The following ALLC variants were observed in gnomAD, a reference collection of about 807,000 sequenced individuals.
ALLC encodes allantoicase.
Under a neutral mutation model 45.0 loss-of-function variants are expected in ALLC, and 40 were observed. The ratio of observed to expected loss-of-function variants is 0.89; its 90% CI spans 0.69 to 1.16. ALLC has a LOEUF of 1.16. Ranked by LOEUF, ALLC falls within the 50% of genes most tolerant of loss-of-function variation. The pLI is 0.00. For synonymous variants in ALLC, 176 were observed against 178.1 expected, an observed-to-expected ratio of 0.99 and a Z score of 0.09; for missense variants, 488 against 493.1, an observed-to-expected ratio of 0.99 and a Z score of 0.10.
intron 6 of ALLC, among the ~76,000 whole-genome samples, chr2:3,682,448 G>GT (rs1355327276): frequency 1.3e-5 from 2 of 152,136 alleles, no homozygotes; most frequent in Admixed American, 6.5e-5. Flanking sequence ...CCTTTATTCT[G>GT]TTTTTTATTA....
chr2:3,651,314 GGGGGGGGT>G, the ALLC span, among the ~76,000 whole-genome samples: 8 of 4,922 alleles, frequency 1.6e-3, 1 homozygote, highest in Non-Finnish European at 1.5e-3. Context: ...GTGGGTGGGT[GGGGGGGGT>G]GTGTGTGTGT....
intron 10 of ALLC, among the ~76,000 whole-genome samples, chr2:3,699,695 C>G (rs554241201): frequency 6.6e-6 from 1 of 152,130 alleles, no homozygotes; most frequent in Non-Finnish European, 1.5e-5. Flanking sequence ...AACAGCCATT[C>G]TGACTGGGAG....
chr2:3,686,175 C>A (rs115326312), intron 7 of ALLC, among the ~76,000 whole-genome samples: 1,687 of 151,064 alleles, frequency 0.011, 56 homozygotes, highest in African/African-American at 0.038. Context: ...AGATAGGAGT[C>A]TAGTTTCATT....
At chr2:3,655,741 T>C (rs1290745876), upstream of ALLC, among the ~76,000 whole-genome samples, 1 of 152,228 alleles carries the variant, frequency 6.6e-6, no homozygotes, top group Non-Finnish European at 1.5e-5. Flanking sequence ...ATTATAAGCA[T>C]GGACCACTGT....
upstream of ALLC, among the ~76,000 whole-genome samples, chr2:3,653,269 G>A (rs963033958): frequency 1.3e-5 from 2 of 152,238 alleles, no homozygotes; most frequent in African/African-American, 2.4e-5. This position sits in a 1 kb window ranked among gnomAD's most constrained non-coding sequence, Gnocchi z 4.1. Context: ...CCCATGATGG[G>A]AGAAGCTGTG....
At chr2:3,655,105 T>C (rs1666412059), upstream of ALLC, among the ~76,000 whole-genome samples, 1 of 152,246 alleles carries the variant, frequency 6.6e-6, no homozygotes, top group African/African-American at 2.4e-5. Flanking sequence ...TGGGGTCAGC[T>C]CCGTGCTGGC....
intron 11 of ALLC, among the ~76,000 whole-genome samples, chr2:3,701,883 A>G (rs1667852762): frequency 6.6e-6 from 1 of 152,224 alleles, no homozygotes; most frequent in South Asian, 2.1e-4. Context: ...ATGTCTCTGC[A>G]TCATGTTTAA....
At chr2:3,665,989 C>T (rs1007477028) in intron 1 of ALLC, among the ~76,000 whole-genome samples, 2 of 152,190 alleles carry the variant, frequency 1.3e-5, no homozygotes, top group East Asian at 1.9e-4. Context: ...GTTGAATTTA[C>T]AGCCTCTGGT....
At chr2:3,674,452 G>A (rs1355387891) in intron 3 of ALLC, among the ~76,000 whole-genome samples, 1 of 152,168 alleles carries the variant, frequency 6.6e-6, no homozygotes, top group Non-Finnish European at 1.5e-5. Flanking sequence ...TCTGGGAAAT[G>A]TTTTACCTGC....
intron 10 of ALLC, among the ~76,000 whole-genome samples, chr2:3,700,066 C>A (rs6716450): frequency 0.087 from 13,252 of 152,194 alleles, 610 homozygotes; most frequent in African/African-American, 0.1. Flanking sequence ...ATCATGAAAT[C>A]TTTGCCAGTT....
intron 1 of ALLC, among the ~76,000 whole-genome samples, chr2:3,663,531 C>T (rs1321760361): frequency 6.6e-6 from 1 of 152,028 alleles, no homozygotes; most frequent in Non-Finnish European, 1.5e-5. Flanking sequence ...CACACGTTTA[C>T]CTACGGAACA....
intron 3 of ALLC, among the ~76,000 whole-genome samples, chr2:3,677,041 G>A (rs1414025068): frequency 6.6e-6 from 1 of 152,130 alleles, no homozygotes; most frequent in Admixed American, 6.5e-5. Flanking sequence ...GCCCTCCTTG[G>A]CCTCCCAAAG....
chr2:3,654,366 G>A (rs111658733), upstream of ALLC, among the ~76,000 whole-genome samples: 1,222 of 152,374 alleles, frequency 8.0e-3, 9 homozygotes, highest in East Asian at 0.027. Flanking sequence ...CTTTGATGGC[G>A]CAGCCTCGGA....
rs187475231 is a variant in ALLC, at chr2:3,686,833, T to C, written c.511+3759T>C. On this transcript the variant is annotated intron_variant, in intron 7 of 11. Transcript: ENST00000252505. ...TGAATTAGTTTATCAGTTCTAATAG[T>C]TTTTGGGTGGAGTCTAGGTTTTTCT... 2.0e-3 allele frequency among the ~76,000 whole-genome samples: 303 copies of C among 151,202 alleles called. 19 individuals are homozygous for C. The highest frequency in any genetic ancestry group is 3.3e-3 in the Non-Finnish European group (224 of 67,582).
At chr2:3,661,223 T>A (rs1367038294) in intron 1 of ALLC, among the ~76,000 whole-genome samples, 1 of 152,166 alleles carries the variant, frequency 6.6e-6, no homozygotes, top group South Asian at 2.1e-4. Context: ...CGGGAACAGA[T>A]ATGGAGCTAT....
chr2:3,660,320 G>C (rs754475094), intron 1 of ALLC, among the ~76,000 whole-genome samples: 1 of 152,154 alleles, frequency 6.6e-6, no homozygotes, highest in African/African-American at 2.4e-5. Context: ...ATATGCTAGC[G>C]CCGTGCTTTC....
chr2:3,674,810 A>G (rs936233590), intron 3 of ALLC, among the ~76,000 whole-genome samples: 5 of 152,204 alleles, frequency 3.3e-5, no homozygotes, highest in African/African-American at 9.6e-5. Flanking sequence ...GTGAAAATAA[A>G]ATGAGAAAGG....
At chr2:3,666,631 CAG>C (rs2147994529) in intron 1 of ALLC, among the ~76,000 whole-genome samples, 1 of 152,366 alleles carries the variant, frequency 6.6e-6, no homozygotes, top group East Asian at 1.9e-4. Context: ...GCACAGCAAA[CAG>C]GGCAGCGCGC....
At chr2:3,663,271 G>A (rs1310716941) in intron 1 of ALLC, among the ~76,000 whole-genome samples, 1 of 152,162 alleles carries the variant, frequency 6.6e-6, no homozygotes, top group Non-Finnish European at 1.5e-5. Flanking sequence ...GTCCTTTGTA[G>A]GAACATGAAT....
Sources: allele counts gnomAD v4.1 joint callset (sites outside exome capture counted in the v4.1 genomes callset), GRCh38; gene constraint gnomAD v4.1.1; non-coding constraint Gnocchi (gnomAD v3.1); transcripts MANE v1.5; gene names NCBI Gene and HGNC (gene_info 2026-07-23, HGNC 2026-07-21).